The following ZNF674 variants were observed in gnomAD, a reference collection of about 807,000 sequenced individuals.
ZNF674 encodes zinc finger family member 674.
ZNF674 carries 2 observed loss-of-function variants against 7.0 expected under a neutral mutation model. The ratio of observed to expected loss-of-function variants is 0.29; its 90% CI spans 0.12 to 0.90. The LOEUF (loss-of-function observed/expected upper bound fraction) is 0.90, where lower values mean the gene tolerates loss of function less well. ZNF674 is among the 40% of genes least tolerant of loss of function. The pLI is 0.57. For synonymous variants in ZNF674, 103 were observed against 145.2 expected, an observed-to-expected ratio of 0.71 and a Z score of 2.09; for missense variants, 297 against 415.5, an observed-to-expected ratio of 0.71 and a Z score of 2.48.
chrX:46,505,108 T>C (rs1941508508), intron 5 of ZNF674, among the ~76,000 whole-genome samples: 1 of 110,091 alleles, frequency 9.1e-6, no homozygotes, highest in Non-Finnish European at 1.9e-5. Context: ...CAGGCTTGTC[T>C]TGAACTCCTG....
intron 5 of ZNF674, among the ~76,000 whole-genome samples, chrX:46,512,728 C>A (rs1266598237): frequency 9.4e-6 from 1 of 106,423 alleles, no homozygotes; most frequent in East Asian, 3.0e-4. Flanking sequence ...GGCACCACTG[C>A]ACTCCAGCCT....
rs1941358486 is a variant in ZNF674 at position 46,498,501 on chromosome X, T to C, written c.*1342A>G. 9.0e-6 allele frequency: 1 copy of C among 110,948 alleles called. No individual in the cohort carries two copies. Among genetic ancestry groups the C allele is most frequent in the African/African-American group, 3.3e-5 (1 of 30,557 alleles). 9.1% of individuals were successfully genotyped at this position (110,948 alleles called of 1,213,427 possible). On this transcript the variant is annotated 3_prime_UTR_variant, in exon 6 of 6. Transcript: ENST00000683375. ...TGATGACTCATCCTCTCTTACCCTATTTCAGGAAGCATTTTTTCTATTTGT... is the reference window on the plus strand; with the variant it reads ...TGATGACTCATCCTCTCTTACCCTACTTCAGGAAGCATTTTTTCTATTTGT...
chrX:46,526,984 C>T (rs1213445278), intron 5 of ZNF674, among the ~76,000 whole-genome samples: 2 of 111,975 alleles, frequency 1.8e-5, no homozygotes, highest in African/African-American at 6.5e-5. Flanking sequence ...TATAAAGAAC[C>T]TGCTGGGCAC....
chrX:46,522,299 A>C (rs150382109), intron 5 of ZNF674, among the ~76,000 whole-genome samples: 144 of 110,098 alleles, frequency 1.3e-3, no homozygotes, highest in Middle Eastern at 4.7e-3. Flanking sequence ...TTCCTAGCAA[A>C]CATGTAAAAT....
chrX:46,506,997 G>A (rs5906221), intron 5 of ZNF674, among the ~76,000 whole-genome samples: 25,588 of 110,413 alleles, frequency 0.23, 2,699 homozygotes, highest in Middle Eastern at 0.37. Context: ...CTCCAGAAGC[G>A]CTCAGAGTCA....
At chrX:46,538,728 C>CA (rs758763719) in intron 3 of ZNF674, among the ~76,000 whole-genome samples, 5 of 111,199 alleles carry the variant, frequency 4.5e-5, no homozygotes, top group Admixed American at 1.9e-4. Context: ...TCCAGCTCTA[C>CA]AAAAAATTGA....
At chrX:46,519,263 TAAAGATAGATGATAGATAGATA>T (rs1941850909) in intron 5 of ZNF674, among the ~76,000 whole-genome samples, 3 of 56,697 alleles carry the variant, frequency 5.3e-5, no homozygotes, top group Admixed American at 2.1e-4. Flanking sequence ...GATAGATAGA[TAAAGATAGATGATAGATAGATA>T]GATAGATAGA....
rs1264199904 is a variant in ZNF674 at position 46,501,279 on chromosome X, G to C, written c.295C>G (p.Leu99Val). ...DHYKESQDKFLWQAAFIGKET... is the reference protein window; with the variant it reads ...DHYKESQDKFVWQAAFIGKET... ...TTGCCTATGAATGCAGCTTGCCACA[G>C]AAATTTGTCTTGGCTTTCCTTGTAG... The change falls in exon 6 of 6, where the codon CTG becomes GTG. Residue 99 changes from leucine (L) to valine (V), a missense_variant. Physicochemically the swap from Leu to Val is conservative, Grantham distance 32 (BLOSUM62 1). Transcript: ENST00000683375. 9.1e-6 allele frequency: 11 copies of C among 1,209,515 alleles called. No individual in the cohort carries two copies. The highest frequency in any genetic ancestry group is 1.2e-5 in the Non-Finnish European group (11 of 895,015).
intron 5 of ZNF674, among the ~76,000 whole-genome samples, chrX:46,518,471 T>G (rs1309594375): frequency 1.8e-5 from 2 of 110,694 alleles, no homozygotes; most frequent in African/African-American, 6.6e-5. Context: ...CAACCAGGCA[T>G]GACATCACAC....
intron 5 of ZNF674, among the ~76,000 whole-genome samples, chrX:46,507,358 C>CA (rs1236187748): frequency 6.4e-5 from 7 of 110,178 alleles, no homozygotes; most frequent in African/African-American, 9.9e-5. Flanking sequence ...GATTCTGTCT[C>CA]AAAAAAAATA....
Position 46,499,733 on chromosome X carries a change from A to G in ZNF674, c.*110T>C. 1.7e-6 allele frequency: 1 copy of G among 594,441 alleles called. No individual in the cohort carries two copies. The highest frequency in any genetic ancestry group is 2.4e-6 in the Non-Finnish European group (1 of 408,955). 49.0% of individuals were successfully genotyped at this position (594,441 alleles called of 1,213,427 possible). On this transcript the variant is annotated 3_prime_UTR_variant, in exon 6 of 6. Transcript: ENST00000683375. ...CATTAACATATGAAGAATTTCCAAT[A>G]TTCTGGACATTTATAAGATTACTCG...
intron 5 of ZNF674, chrX:46,523,128 A>C: frequency 3.8e-6 from 1 of 262,233 alleles, no homozygotes; most frequent in Non-Finnish European, 7.2e-6. Context: ...ATTTCTTTCT[A>C]TCTCAAAGAA....
intron 5 of ZNF674, among the ~76,000 whole-genome samples, chrX:46,506,510 G>A (rs1157887810): frequency 2.7e-5 from 3 of 111,129 alleles, no homozygotes; most frequent in East Asian, 2.8e-4. Flanking sequence ...ATATGTCAGA[G>A]CACCTGAGAT....
rs777500402 is a variant in ZNF674 at position 46,528,360 on chromosome X, C to G, written c.228G>C (p.Arg76=). 11 of 1,209,772 alleles carry G rather than the reference C, an allele frequency of 9.1e-6. No homozygotes were observed. Among genetic ancestry groups the G allele is most frequent in the Non-Finnish European group, 1.2e-5 (11 of 895,206 alleles). The change falls in exon 5 of 6, where the codon CGG becomes CGC. Residue 76 remains arginine, a synonymous_variant. Coordinates refer to ENST00000683375, the MANE Select transcript of ZNF674 (RefSeq NM_001190417.2). The part of the protein sequence containing the change: ...SWMADGGTPV[R]TCAEVWEVDE... ...CTGGCCTGTCCTCACCTGCACAGGT[C>G]CGTACCGGGGTCCCTCCATCTGCCA...
intron 4 of ZNF674, 69 bp from the exon 5 acceptor site, chrX:46,528,514 T>C: frequency 9.0e-7 from 1 of 1,115,711 alleles, no homozygotes; most frequent in Non-Finnish European, 1.2e-6. Context: ...GGCCCACCCC[T>C]GCAGGCTGAA....
At chrX:46,516,392 A>G in intron 5 of ZNF674, among the ~76,000 whole-genome samples, 1 of 112,212 alleles carries the variant, frequency 8.9e-6, no homozygotes, top group African/African-American at 3.2e-5. Flanking sequence ...GTGACTTATG[A>G]ACATACAGAA....
chrX:46,519,281 A>AGATAGAT (rs777529768), intron 5 of ZNF674, among the ~76,000 whole-genome samples: 1 of 96,274 alleles, frequency 1.0e-5, no homozygotes, highest in Non-Finnish European at 2.1e-5. Context: ...GATGATAGAT[A>AGATAGAT]GATAGATAGA....
In ZNF674 at chrX:46,499,864, G is replaced by T. The variant is rs771148029; in HGVS notation, c.1710C>A (p.His570Gln). 8.8e-7 allele frequency: 1 copy of T among 1,141,350 alleles called. No homozygotes were observed. The highest frequency in any genetic ancestry group is 1.2e-6 in the Non-Finnish European group (1 of 862,399). 94.1% of individuals were successfully genotyped at this position (1,141,350 alleles called of 1,213,427 possible). The change falls in exon 6 of 6, where the codon CAC becomes CAA. Residue 570 changes from histidine (H) to glutamine (Q), a missense_variant. Physicochemically the swap from His to Gln is conservative, Grantham distance 24. Transcript: ENST00000683375. ...KSTLIKHQRS[H>Q]TGDKNL is the part of the protein sequence containing the mutation. ...ATAATCATAGGTTTTTATCTCCTGT[G>T]TGACTTCTCTGATGTTTAATGAGAG...
chrX:46,508,982 C>T (rs1216218427), intron 5 of ZNF674, among the ~76,000 whole-genome samples: 4 of 110,575 alleles, frequency 3.6e-5, no homozygotes, highest in Admixed American at 9.8e-5. Context: ...GAAATAATGC[C>T]GCATATCGAC....
Sources: allele counts gnomAD v4.1 joint callset (sites outside exome capture counted in the v4.1 genomes callset), GRCh38; gene constraint gnomAD v4.1.1; transcripts MANE v1.5; gene names NCBI Gene and HGNC (gene_info 2026-07-23, HGNC 2026-07-21).